GLYATL1: variants seen among roughly 807,000 people sequenced by gnomAD.
The protein encoded by GLYATL1 is glycine N-acyltransferase-like protein 1.
In GLYATL1, 15 loss-of-function variants were observed where a neutral mutation model predicts 20.0. That is an observed-to-expected ratio of 0.75 (90% CI 0.50 to 1.15). GLYATL1 has a LOEUF of 1.15. Ranked by LOEUF, GLYATL1 falls within the 50% of genes most tolerant of loss-of-function variation. The probability of loss-of-function intolerance (pLI) is 0.00; values close to 1 mark genes in which losing one functional copy is unlikely to be tolerated. For synonymous variants in GLYATL1, 151 were observed against 131.5 expected (o/e 1.15, Z -1.01); for missense variants, 380 against 368.5 (o/e 1.03, Z -0.26).
downstream of GLYATL1, among the ~76,000 whole-genome samples, chr11:58,909,872 T>A (rs1854996735): frequency 6.6e-6 from 1 of 152,194 alleles, no homozygotes; most frequent in Non-Finnish European, 1.5e-5. Flanking sequence ...AGCTCTTAAT[T>A]CAGTTTTATA....
At chr11:58,926,424 G>A (rs1430325075), upstream of GLYATL1, among the ~76,000 whole-genome samples, 6 of 152,170 alleles carry the variant, frequency 3.9e-5, no homozygotes, top group South Asian at 2.1e-4. Flanking sequence ...AGCAATTGCC[G>A]AAGTCAGAAA....
At chr11:58,910,642 T>C (rs1855018005), downstream of GLYATL1, among the ~76,000 whole-genome samples, 2 of 151,390 alleles carry the variant, frequency 1.3e-5, no homozygotes, top group Non-Finnish European at 2.9e-5. Context: ...GTGGAGAAAA[T>C]AGAATGAGAG....
intron 6 of GLYATL1, 76 bp from the exon 7 acceptor site, chr11:58,955,534 T>A: frequency 2.0e-6 from 3 of 1,486,588 alleles, no homozygotes; most frequent in Non-Finnish European, 2.8e-6. Flanking sequence ...GTTCCTGGGA[T>A]CTCTAGATTG....
chr11:58,916,069 T>G (rs995654537), intron 1 of GLYATL1, among the ~76,000 whole-genome samples: 23 of 152,178 alleles, frequency 1.5e-4, no homozygotes, highest in African/African-American at 5.3e-4. Context: ...TACCACATAC[T>G]TTCCCACAAC....
chr11:58,955,006 T>A, intron 5 of GLYATL1, 110 bp downstream of exon 5: 1 of 1,319,154 alleles, frequency 7.6e-7, no homozygotes, highest in Non-Finnish European at 1.0e-6. Flanking sequence ...TCACAGAAAC[T>A]CTGGGGACTG....
chr11:58,913,249 G>A (rs1231116111), downstream of GLYATL1, among the ~76,000 whole-genome samples: 2 of 152,082 alleles, frequency 1.3e-5, no homozygotes, highest in Non-Finnish European at 2.9e-5. Flanking sequence ...AGGCATCCAG[G>A]CTAAAAGGGA....
upstream of GLYATL1, among the ~76,000 whole-genome samples, chr11:58,935,980 T>G (rs1006608507): frequency 1.3e-5 from 2 of 152,194 alleles, no homozygotes; most frequent in African/African-American, 4.8e-5. Context: ...GGAAAAATAC[T>G]TTTGGCCTCT....
At chr11:58,925,648 C>T (rs946029581), upstream of GLYATL1, among the ~76,000 whole-genome samples, 1 of 152,074 alleles carries the variant, frequency 6.6e-6, no homozygotes, top group Non-Finnish European at 1.5e-5. Flanking sequence ...TTTATTTGGA[C>T]CACACCATTT....
At chr11:58,950,136 A>AAAAAT (rs1856875989) in intron 4 of GLYATL1, among the ~76,000 whole-genome samples, 1 of 119,866 alleles carries the variant, frequency 8.3e-6, no homozygotes, top group African/African-American at 2.8e-5. Context: ...AAAAAAAAAA[A>AAAAAT]AAAAATTAGC....
intron 4 of GLYATL1, among the ~76,000 whole-genome samples, chr11:58,954,133 C>A (rs1381040283): frequency 6.6e-6 from 1 of 152,204 alleles, no homozygotes; most frequent in Non-Finnish European, 1.5e-5. Flanking sequence ...ACTAAAGTAT[C>A]TTGCTCAAGC....
At chr11:58,940,620 A>C (rs1465003146) in intron 1 of GLYATL1, among the ~76,000 whole-genome samples, 1 of 152,224 alleles carries the variant, frequency 6.6e-6, no homozygotes, top group Non-Finnish European at 1.5e-5. Flanking sequence ...CTAGCATTAA[A>C]ATTTTGTAAA....
rs536033004 is a variant in GLYATL1, at chr11:58,930,104, A to C, written c.-212+2275A>C. On this transcript the variant is annotated intron_variant, in intron 1 of 7. Coordinates refer to the GLYATL1 transcript ENST00000317391. ...AGAAGCTCAGGATGCTGCTTTAAAA[A>C]AAAATTTTTTTCCAAAGTCTTTAGT... is the stretch of plus-strand genomic sequence containing the variant. Among the ~76,000 whole-genome samples, 3 of 134,634 alleles carry C rather than the reference A, an allele frequency of 2.2e-5. No homozygotes were observed. The South Asian group carries it at 7.3e-4, about 33-fold the overall frequency. 88.3% of individuals were successfully genotyped at this position (134,634 alleles called of 152,430 possible).
chr11:58,934,303 G>A (rs1462322815), intron 1 of GLYATL1: 4 of 152,400 alleles, frequency 2.6e-5, no homozygotes, highest in Non-Finnish European at 5.9e-5. Context: ...GTCTAATGAA[G>A]TCGGCCTGTA....
At chr11:58,930,636 G>A (rs1855563583) in intron 1 of GLYATL1, among the ~76,000 whole-genome samples, 1 of 152,032 alleles carries the variant, frequency 6.6e-6, no homozygotes. Context: ...ATAATGCCTA[G>A]AAAAATATTA....
At chr11:58,953,899 C>T (rs1307965878) in intron 4 of GLYATL1, among the ~76,000 whole-genome samples, 1 of 152,174 alleles carries the variant, frequency 6.6e-6, no homozygotes, top group Admixed American at 6.5e-5. Flanking sequence ...GAGAAACATC[C>T]TCATCTTCCA....
rs1328249663 is a variant in GLYATL1, at chr11:58,917,347, C to T, written n.264+11686C>T. 4 of 152,330 alleles carry T rather than the reference C, an allele frequency of 2.6e-5. No individual in the cohort carries two copies. In the East Asian group the frequency reaches 7.7e-4, roughly 29 times the overall value. The allele number at this position is 152,330 out of a possible 1,614,324, so 9.4% of individuals were successfully genotyped here. ...TAAACAGGAGGATTTTTACTGAGTGCACTCAGACCCAGCAGATTAACAGCC... is the reference window on the plus strand; with the variant it reads ...TAAACAGGAGGATTTTTACTGAGTGTACTCAGACCCAGCAGATTAACAGCC... On this transcript the variant is annotated intron_variant and non_coding_transcript_variant, in intron 1 of 2. Transcript: ENST00000534674.
At chr11:58,935,009 C>T (rs1855766036), upstream of GLYATL1, 1 of 152,588 alleles carries the variant, frequency 6.6e-6, no homozygotes, top group African/African-American at 2.4e-5. Context: ...TGGACACTGG[C>T]ATGGTGACTA....
At chr11:58,919,040 C>T (rs540255274) in intron 1 of GLYATL1, among the ~76,000 whole-genome samples, 1 of 152,190 alleles carries the variant, frequency 6.6e-6, no homozygotes, top group Non-Finnish European at 1.5e-5. Flanking sequence ...GGGCCCATCC[C>T]ATATGGGTCC....
rs1320860289 is a variant in GLYATL1, at chr11:58,947,144, GAGCAT to G, written c.58_62del (p.Ser20ProfsTer2). On this transcript the variant is annotated frameshift_variant, in exon 3 of 7. Transcript: ENST00000532726. LOFTEE classifies it high-confidence loss of function. The stretch of plus-strand genomic sequence containing the variant: ...TGGCCCTATACAAATCCTTGGCCAG[GAGCAT>G]CCCTGAGTCCCTGAAGGTCAGGGAA... The G allele has an allele frequency of 1.2e-6, 2 of 1,613,866 alleles. No individual in the cohort carries two copies. The highest frequency in any genetic ancestry group is 2.2e-5 in the South Asian group (2 of 91,070).
Sources: gnomAD v4.1 joint callset for allele counts (sites outside exome capture counted in the v4.1 genomes callset) on GRCh38, gnomAD v4.1.1 for gene constraint, MANE v1.5 for transcripts, NCBI Gene and HGNC (gene_info 2026-07-23, HGNC 2026-07-21) for gene names.